Variants in ACAA1 observed in about 807,000 individuals in gnomAD.
ACAA1 encodes 3-ketoacyl-CoA thiolase, peroxisomal.
In ACAA1, 44 loss-of-function variants were observed where a neutral mutation model predicts 48.8. The ratio of observed to expected loss-of-function variants is 0.90; its 90% confidence interval spans 0.71 to 1.16. The LOEUF is 1.16. Ranked by LOEUF, ACAA1 falls within the 50% of genes most tolerant of loss-of-function variation. The pLI is 0.00. For missense variants in ACAA1, 512 were observed against 562.3 expected, an observed-to-expected ratio of 0.91 and a Z score of 0.90; for synonymous variants, 233 against 226.5, an observed-to-expected ratio of 1.03 and a Z score of -0.26.
intron 6 of ACAA1, among the ~76,000 whole-genome samples, chr3:38,128,876 C>T (rs1056182136): frequency 2.6e-5 from 4 of 152,146 alleles, no homozygotes. Flanking sequence ...CAGGCATGAG[C>T]CATCGCACCC....
intron 2 of ACAA1, 37 bp downstream of exon 2, chr3:38,136,555 G>C (rs2125772375): frequency 6.2e-7 from 1 of 1,608,188 alleles, no homozygotes; most frequent in Admixed American, 1.7e-5. Flanking sequence ...CGGAAGAACG[G>C]GGAAGGCCCA....
chr3:38,124,506 C>A (rs1223709515), intron 11 of ACAA1: 2 of 151,988 alleles, frequency 1.3e-5, no homozygotes, highest in African/African-American at 4.8e-5. Context: ...ACTCAGGAGG[C>A]TGAGGTGGGA....
chr3:38,123,134 A>AAACTT lies in ACAA1; in HGVS notation c.1200-17_1200-13dup, dbSNP rs575721688. The AAACTT allele has an allele frequency of 5.2e-4, 841 of 1,614,102 alleles. 13 individuals are homozygous for AAACTT. In the East Asian group the frequency reaches 0.014, roughly 27 times the overall value. On this transcript the variant is annotated splice_polypyrimidine_tract_variant and intron_variant, in intron 11 of 11. Transcript: ENST00000333167. ...CCACTCCGTATGCCCTGTGAAAACA[A>AAACTT]AACTTAATTGGCTGGGCAAAGGCAC...
At chr3:38,123,759 T>C (rs1700600145) in intron 11 of ACAA1, 1 of 152,198 alleles carries the variant, frequency 6.6e-6, no homozygotes, top group South Asian at 2.1e-4. Context: ...TCCCAACACT[T>C]TGGGAGGCCG....
intron 7 of ACAA1, among the ~76,000 whole-genome samples, chr3:38,127,256 T>C (rs1380910099): frequency 6.6e-6 from 1 of 152,162 alleles, no homozygotes; most frequent in Non-Finnish European, 1.5e-5. Context: ...CATTTTCAAA[T>C]GGTTATGTGA....
In ACAA1 at chr3:38,126,499, A is replaced by T. The variant is rs773313828; in HGVS notation, c.817+11T>A. On this transcript the variant is annotated intron_variant, in intron 8 of 11. Coordinates refer to ENST00000333167, the MANE Select transcript of ACAA1 (RefSeq NM_001607.4). The surrounding 1 kb of genome is among the most constrained non-coding windows in gnomAD (Gnocchi z 4.7). ...CTGCTTTCTCATACCCCTACCCCGG[A>T]CCAGTCTCACCAGCTGTGGTAGAAC... The T allele has an allele frequency of 2.5e-6, 4 of 1,614,082 alleles. No individual in the cohort carries two copies. The Admixed American group carries it at 5.0e-5, about 20-fold the overall frequency.
intron 2 of ACAA1, 71 bp downstream of exon 2, chr3:38,136,521 G>C (rs1700896345): frequency 6.4e-7 from 1 of 1,553,496 alleles, no homozygotes; most frequent in Non-Finnish European, 8.9e-7. Flanking sequence ...TCGGGGCGGG[G>C]AGGTGAGGAG....
At chr3:38,124,871 T>A (rs940638837) in intron 11 of ACAA1, 3 of 152,200 alleles carry the variant, frequency 2.0e-5, no homozygotes, top group African/African-American at 7.2e-5. Flanking sequence ...GTATTTGTTC[T>A]CTCCAGGGCC....
intron 11 of ACAA1, 70 bp from the exon 12 acceptor site, chr3:38,123,192 G>A: frequency 6.8e-7 from 1 of 1,469,196 alleles, no homozygotes; most frequent in Non-Finnish European, 9.5e-7. Flanking sequence ...GGCTGACCCA[G>A]AAGGACGTCA....
rs577920853 is a variant in ACAA1 at position 38,122,777 on chromosome 3, G to GAATT, written c.*266_*269dup. The stretch of plus-strand genomic sequence containing the variant: ...CATCCATGGATTTGCCTTGCCTTAA[G>GAATT]AATTAACCATGGCCTTGTGGCCTGG... On this transcript the variant is annotated 3_prime_UTR_variant, in exon 12 of 12. Transcript: ENST00000333167. 7.5e-4 allele frequency: 880 copies of GAATT among 1,176,362 alleles called. 7 individuals are homozygous for GAATT. The African/African-American group carries it at 0.012, about 16-fold the overall frequency. The allele number at this position is 1,176,362 out of a possible 1,614,324, so 72.9% of individuals were successfully genotyped here.
intron 2 of ACAA1, among the ~76,000 whole-genome samples, chr3:38,135,022 G>A (rs575770143): frequency 1.3e-5 from 2 of 152,238 alleles, no homozygotes; most frequent in East Asian, 1.9e-4. Context: ...GGAGAAAACC[G>A]CCCTGTGGCT....
chr3:38,136,779 G>C, intron 1 of ACAA1, 86 bp downstream of exon 1: 1 of 1,484,292 alleles, frequency 6.7e-7, no homozygotes, highest in Non-Finnish European at 8.9e-7. Flanking sequence ...GCTGCCTCCG[G>C]CGTCCAGGAT....
intron 11 of ACAA1, 142 bp downstream of exon 11, chr3:38,125,423 A>C: frequency 9.4e-7 from 1 of 1,061,604 alleles, no homozygotes. Context: ...ATCTTTTGGG[A>C]TTTCAACATT....
intron 11 of ACAA1, chr3:38,124,269 T>C (rs59681699): frequency 3.9e-5 from 6 of 152,282 alleles, no homozygotes; most frequent in African/African-American, 1.2e-4. Context: ...TGCAGTCATA[T>C]GAATACCATG....
rs757363780 is a variant in ACAA1 at position 38,127,787 on chromosome 3, T to G, written c.625A>C (p.Lys209Gln). 2 of 1,614,060 alleles carry G rather than the reference T, an allele frequency of 1.2e-6. No individual in the cohort carries two copies. Among genetic ancestry groups the G allele is most frequent in the South Asian group, 2.2e-5 (2 of 91,082 alleles). The part of the protein sequence containing the change: ...QDTFALASQQ[K>Q]AARAQSKGCF... ...CATTCCTCCCCAATCAGCACTCACT[T>G]CTGCTGGGAAGCCAGGGCAAAGGTA... The change falls in exon 7 of 12, where the codon AAG becomes CAG. Residue 209 changes from lysine to glutamine, a missense_variant and splice_region_variant. Lys to Gln is a moderately conservative substitution (Grantham distance 53). Coordinates refer to ENST00000333167, the MANE Select transcript of ACAA1 (RefSeq NM_001607.4).
Position 38,129,315 on chromosome 3 carries a change from C to G in ACAA1, c.520G>C (p.Ala174Pro). ...CCCATAGGAATCAGGCAATCTCTGG[C>G]CTTCTCCTTCTCCATCAAGCGCGAA... ...ITSRLMEKEK[A>P]RDCLIPMGIT... The change falls in exon 6 of 12, where the codon GCC becomes CCC. Residue 174 changes from alanine to proline, a missense_variant. Physicochemically the swap from Ala to Pro is conservative, Grantham distance 27. Coordinates refer to ENST00000333167, the MANE Select transcript of ACAA1 (RefSeq NM_001607.4). This position sits in a 1 kb window ranked among gnomAD's most constrained non-coding sequence, Gnocchi z 5.3. 1 of 1,614,100 alleles carries G rather than the reference C, an allele frequency of 6.2e-7. No homozygotes were observed. Among genetic ancestry groups the G allele is most frequent in the Non-Finnish European group, 8.5e-7 (1 of 1,179,994 alleles).
In ACAA1 at chr3:38,122,818, T is replaced by TTTATC; in HGVS notation, c.*224_*228dup. 1.1e-6 allele frequency: 1 copy of TTTATC among 897,582 alleles called. No homozygotes were observed. Among genetic ancestry groups the TTTATC allele is most frequent in the Non-Finnish European group, 1.6e-6 (1 of 614,728 alleles). 55.6% of individuals were successfully genotyped at this position (897,582 alleles called of 1,614,324 possible). A position where few individuals can be genotyped will look rare whatever the true frequency, so the allele number is the denominator to read the frequency against. ...TGTGGCCTGGGTGACCCAGGCTGCT[T>TTTATC]TTATCTTGCACAGCTAAAGAGGGTC... On this transcript the variant is annotated 3_prime_UTR_variant, in exon 12 of 12. Coordinates refer to ENST00000333167, the MANE Select transcript of ACAA1 (RefSeq NM_001607.4).
chr3:38,134,831 T>G (rs748967442), intron 2 of ACAA1, among the ~76,000 whole-genome samples: 1 of 152,184 alleles, frequency 6.6e-6, no homozygotes, highest in Non-Finnish European at 1.5e-5. Context: ...TTCCCCCCAC[T>G]GAGACAGCCT....
intron 2 of ACAA1, among the ~76,000 whole-genome samples, chr3:38,134,944 T>C (rs113403962): frequency 6.7e-6 from 1 of 148,540 alleles, no homozygotes; most frequent in South Asian, 2.1e-4. Context: ...AGGCCTCTAT[T>C]TCCCGCACAT....
Sources: allele counts gnomAD v4.1 joint callset (sites outside exome capture counted in the v4.1 genomes callset), GRCh38; gene constraint gnomAD v4.1.1; non-coding constraint Gnocchi (gnomAD v3.1); transcripts MANE v1.5; gene names NCBI Gene and HGNC (gene_info 2026-07-23, HGNC 2026-07-21).